DMD: variants seen among roughly 807,000 people sequenced by gnomAD.
DMD encodes the protein dystrophin, also known as mutant dystrophin.
Under a neutral mutation model 330.1 loss-of-function variants are expected in DMD, and 63 were observed. That is an observed-to-expected ratio of 0.19 (90% CI 0.16 to 0.24). The LOEUF is 0.24. Ranked by LOEUF, DMD falls within the 10% of genes least tolerant of loss-of-function variation. DMD has a pLI of 1.00. For missense variants in DMD, 3,344 were observed against 2,684.1 expected, an observed-to-expected ratio of 1.25 and a Z score of -5.43; for synonymous variants, 1,223 against 959.8, an observed-to-expected ratio of 1.27 and a Z score of -5.07.
intron 63 of DMD, among the ~76,000 whole-genome samples, chrX:31,258,815 T>C (rs1349277331): frequency 1.8e-5 from 2 of 111,839 alleles, no homozygotes; most frequent in East Asian, 5.6e-4. Flanking sequence ...AGCAAACATG[T>C]ATTCATTGAT....
At chrX:32,609,868 CAA>C (rs1429519726) in intron 12 of DMD, among the ~76,000 whole-genome samples, 1 of 111,128 alleles carries the variant, frequency 9.0e-6, no homozygotes, top group Non-Finnish European at 1.9e-5. Flanking sequence ...CATCTATGCA[CAA>C]AAGTCTAAAT....
At chrX:32,731,769 C>A (rs1016816715) in intron 7 of DMD, among the ~76,000 whole-genome samples, 1 of 111,996 alleles carries the variant, frequency 8.9e-6, no homozygotes, top group Non-Finnish European at 1.9e-5. Context: ...TGGACGTCAC[C>A]ATCATCAAAG....
chrX:32,671,707 G>A (rs1330068320), intron 9 of DMD, among the ~76,000 whole-genome samples: 3 of 111,914 alleles, frequency 2.7e-5, no homozygotes, highest in Non-Finnish European at 5.7e-5. Flanking sequence ...ACCAGATAAA[G>A]AGCTTCATTT....
At chrX:31,984,559 A>C (rs1318191131) in intron 44 of DMD, among the ~76,000 whole-genome samples, 1 of 112,559 alleles carries the variant, frequency 8.9e-6, no homozygotes, top group Non-Finnish European at 1.9e-5. Flanking sequence ...GTCCAAACAA[A>C]TATGTTCAAA....
At chrX:31,968,184 T>C (rs2095367921) in intron 45 of DMD, among the ~76,000 whole-genome samples, 155 bp downstream of exon 45, 1 of 111,653 alleles carries the variant, frequency 9.0e-6, no homozygotes. Flanking sequence ...AAAAAAGAAA[T>C]AAAAAATTTC....
chrX:33,253,513 TCAAA>T (rs1015725962), intron 1 of DMD, among the ~76,000 whole-genome samples: 2 of 111,367 alleles, frequency 1.8e-5, no homozygotes, highest in African/African-American at 3.2e-5. Flanking sequence ...CATTATAGAG[TCAAA>T]CAAAAAAATT....
chrX:32,719,565 C>A (rs1044110771), intron 7 of DMD, among the ~76,000 whole-genome samples: 1 of 111,298 alleles, frequency 9.0e-6, no homozygotes, highest in Non-Finnish European at 1.9e-5. Flanking sequence ...TATGCATTTG[C>A]CTCCAAATAT....
chrX:32,867,057 A>G (rs1456618229), intron 2 of DMD, among the ~76,000 whole-genome samples: 2 of 110,847 alleles, frequency 1.8e-5, no homozygotes, highest in African/African-American at 6.6e-5. Context: ...TTCTAAAGCT[A>G]CCTTTCGTAA....
At chrX:33,334,695 T>C (rs898021946) in intron 1 of DMD, among the ~76,000 whole-genome samples, 1 of 111,324 alleles carries the variant, frequency 9.0e-6, no homozygotes, top group Non-Finnish European at 1.9e-5. Flanking sequence ...CAGTAATAGA[T>C]GTGACAATGT....
intron 55 of DMD, among the ~76,000 whole-genome samples, chrX:31,546,209 A>G (rs2074132722): frequency 8.9e-6 from 1 of 112,633 alleles, no homozygotes; most frequent in Non-Finnish European, 1.9e-5. Flanking sequence ...GCCACATACC[A>G]TATTAAGTGG....
chrX:32,926,506 T>C (rs922793883), intron 2 of DMD, among the ~76,000 whole-genome samples: 1 of 111,293 alleles, frequency 9.0e-6, no homozygotes, highest in Non-Finnish European at 1.9e-5. Context: ...TCCCAGTACT[T>C]TGGGAGGCGG....
At chrX:31,728,468 AG>A (rs1321498809) in intron 52 of DMD, among the ~76,000 whole-genome samples, 1 of 112,355 alleles carries the variant, frequency 8.9e-6, no homozygotes, top group Non-Finnish European at 1.9e-5. Context: ...AATGCTTATG[AG>A]GTACTGAATA....
At chrX:32,140,436 A>C (rs2096747064) in intron 44 of DMD, among the ~76,000 whole-genome samples, 1 of 112,481 alleles carries the variant, frequency 8.9e-6, no homozygotes, top group East Asian at 2.8e-4. Context: ...TAACTTTCAA[A>C]ATTAAAATAA....
chrX:31,422,000 C>CAT (rs1228940758), intron 60 of DMD, among the ~76,000 whole-genome samples: 1 of 80,107 alleles, frequency 1.2e-5, no homozygotes, highest in African/African-American at 6.9e-5. Context: ...TATATACACA[C>CAT]ACATATATAT....
intron 41 of DMD, 112 bp from the exon 42 acceptor site, chrX:32,310,388 G>C (rs2097557638): frequency 1.7e-6 from 1 of 604,919 alleles, no homozygotes. Context: ...CTACAAACTG[G>C]GCTGAAAATG....
chrX:31,906,004 A>G, intron 47 of DMD, among the ~76,000 whole-genome samples: 1 of 112,004 alleles, frequency 8.9e-6, no homozygotes, highest in Middle Eastern at 4.6e-3. Flanking sequence ...CTGTACCAAA[A>G]GCTCATCTTA....
intron 19 of DMD, among the ~76,000 whole-genome samples, chrX:32,493,967 T>G (rs1185195897): frequency 8.9e-6 from 1 of 111,789 alleles, no homozygotes; most frequent in Admixed American, 9.5e-5. Flanking sequence ...TATTCAACAT[T>G]TGTCTAAATG....
intron 45 of DMD, among the ~76,000 whole-genome samples, chrX:31,960,485 G>A (rs2095292749): frequency 9.0e-6 from 1 of 111,204 alleles, no homozygotes; most frequent in African/African-American, 3.3e-5. Flanking sequence ...TCTTGCTTCA[G>A]TGATTTTGCT....
chrX:32,154,829 T>C (rs374802121), intron 44 of DMD, among the ~76,000 whole-genome samples: 3 of 106,152 alleles, frequency 2.8e-5, no homozygotes, highest in South Asian at 8.6e-4. Context: ...AAAACACCTT[T>C]AAACGCAGAA....
Sources: allele counts gnomAD v4.1 joint callset (sites outside exome capture counted in the v4.1 genomes callset), GRCh38; gene constraint gnomAD v4.1.1; transcripts MANE v1.5; gene names NCBI Gene and HGNC (gene_info 2026-07-23, HGNC 2026-07-21).